FCHO1: variants seen among roughly 807,000 people sequenced by gnomAD.
The protein encoded by FCHO1 is FCH and mu domain containing endocytic adaptor 1.
A neutral mutation model predicts 114.4 loss-of-function variants in FCHO1; 45 were observed. The observed-to-expected ratio is 0.39, with a 90% CI of 0.31 to 0.50. FCHO1 has a LOEUF of 0.50. FCHO1 is among the 20% of genes least tolerant of loss of function. The pLI, the probability that FCHO1 is intolerant of heterozygous loss-of-function variation, is 0.77. For missense variants in FCHO1, 1,042 were observed against 1,209.6 expected (o/e 0.86, Z 2.06); for synonymous variants, 480 against 488.9 (o/e 0.98, Z 0.24).
chr19:17,774,341 C>A, intron 12 of FCHO1, 53 bp from the exon 13 acceptor site: 1 of 1,612,730 alleles, frequency 6.2e-7, no homozygotes, highest in South Asian at 1.1e-5. Context: ...GGAGGCTGAT[C>A]TGAATGTGAA....
Position 17,787,733 on chromosome 19 carries a change from C to T in FCHO1, c.2534C>T (p.Pro845Leu). 1 of 1,586,816 alleles carries T rather than the reference C, an allele frequency of 6.3e-7. No individual in the cohort carries two copies. Among genetic ancestry groups the T allele is most frequent in the Non-Finnish European group, 8.6e-7 (1 of 1,167,994 alleles). ...SWEPLSGPST[P>L]SPVAAQFTSE... The stretch of plus-strand genomic sequence containing the variant: ...GAGCCGCTCTCAGGGCCCAGCACAC[C>T]CAGCCCCGTGGCTGCACAGTTCACC... Residue 845 changes from proline (P) to leucine (L), a missense_variant, in exon 28 of 29, where the codon CCC becomes CTC. Transcript: ENST00000596536.
chr19:17,784,176 C>A lies in FCHO1; in HGVS notation c.2167C>A (p.Arg723Ser), dbSNP rs763392437. 6.2e-7 allele frequency: 1 copy of A among 1,613,964 alleles called. No homozygotes were observed. Among genetic ancestry groups the A allele is most frequent in the Non-Finnish European group, 8.5e-7 (1 of 1,179,994 alleles). Residue 723 changes from arginine (R) to serine (S), a missense_variant, in exon 25 of 29, where the codon CGC becomes AGC. By Grantham distance (110) the Arg-to-Ser change is moderately radical (BLOSUM62 -1). Transcript: ENST00000596536. The surrounding 1 kb of genome is among the most constrained non-coding windows in gnomAD (Gnocchi z 5.3). ...GGCAGCTCTGACCGAAGCCCTGCAGCGCCAGGCAGAGCAGAACCCCACTGC... is the reference window on the plus strand; with the variant it reads ...GGCAGCTCTGACCGAAGCCCTGCAGAGCCAGGCAGAGCAGAACCCCACTGC... ...NMAALTEALQ[R>S]QAEQNPTASY...
intron 6 of FCHO1, among the ~76,000 whole-genome samples, chr19:17,765,960 C>G (rs2088894119): frequency 7.1e-6 from 1 of 140,312 alleles, no homozygotes; most frequent in African/African-American, 2.7e-5. Flanking sequence ...GCGATCTTGG[C>G]TCACTGCAAG....
intron 28 of FCHO1, 86 bp downstream of exon 28, chr19:17,787,932 TG>T: frequency 6.9e-7 from 1 of 1,447,624 alleles, no homozygotes; most frequent in Middle Eastern, 2.4e-4. Flanking sequence ...GATTGGGGTG[TG>T]GGGATCCTTG....
chr19:17,778,953 G>T, intron 20 of FCHO1, 69 bp downstream of exon 20: 8 of 1,432,252 alleles, frequency 5.6e-6, no homozygotes, highest in Non-Finnish European at 7.3e-6. Flanking sequence ...CCTGCTTTGG[G>T]CAGGGCCTGA....
chr19:17,757,170 T>C (rs149730236), intron 4 of FCHO1, among the ~76,000 whole-genome samples: 1,995 of 123,730 alleles, frequency 0.016, 18 homozygotes, highest in Non-Finnish European at 0.024. Context: ...GGTGATGGAG[T>C]GAGACTCCGT....
chr19:17,755,250 A>G, intron 4 of FCHO1, 59 bp downstream of exon 4: 1 of 1,456,558 alleles, frequency 6.9e-7, no homozygotes, highest in Non-Finnish European at 9.4e-7. Context: ...ACTTTTATGG[A>G]GATGGGAGGA....
rs754595765 is a variant in FCHO1, at chr19:17,781,524, T to G, written c.1813T>G (p.Ser605Ala). 1 of 1,613,960 alleles carries G rather than the reference T, an allele frequency of 6.2e-7. No individual in the cohort carries two copies. The change falls in exon 22 of 29, where the codon TCC becomes GCC. Residue 605 changes from serine to alanine, a missense_variant. By Grantham distance (99) the Ser-to-Ala change is moderately conservative. Around this residue, in one of 3 missense-constraint regions of FCHO1, gnomAD observed 455 missense variants for 455.4 expected, o/e 1.00. Transcript: ENST00000596536. Reference protein sequence around the residue: ...STALERPSFLSQTGHGVSRGP... With the variant: ...STALERPSFLAQTGHGVSRGP... ...TGCCTTGGAACGGCCCAGCTTCTTA[T>G]CCCAGACAGGACACGGTATGTGAGG... is the stretch of plus-strand genomic sequence containing the variant.
rs767805593 is a variant in FCHO1, at chr19:17,778,232, A to G, written c.1351+4A>G. 6.2e-7 allele frequency: 1 copy of G among 1,611,768 alleles called. No homozygotes were observed. The highest frequency in any genetic ancestry group is 8.5e-7 in the Non-Finnish European group (1 of 1,178,120). On this transcript the variant is annotated splice_donor_region_variant and intron_variant, in intron 19 of 28. Transcript: ENST00000596536. ...TTTGACCACGAAGATTTTACAGGTG[A>G]TGGGGATAAGGGATTGGAGGGCATG... is the stretch of plus-strand genomic sequence containing the variant.
chr19:17,750,143 C>T (rs1014341517), upstream of FCHO1, among the ~76,000 whole-genome samples: 9 of 152,128 alleles, frequency 5.9e-5, no homozygotes, highest in African/African-American at 1.7e-4. Context: ...GACTTGGTGC[C>T]GGGAAGGCAG....
chr19:17,778,748 C>G lies in FCHO1; in HGVS notation c.1491C>G (p.Gly497=), dbSNP rs2092981637. The G allele has an allele frequency of 6.5e-7, 1 of 1,539,618 alleles. No individual in the cohort carries two copies. ...CAGATTCCTGGGTCCCCCGCCCAGG[C>G]ACCCCGCAGAGCCCGCCCAGCTGTA... ...PSPDSWVPRP[G]TPQSPPSCRA... Residue 497 remains glycine (G), a synonymous_variant, in exon 20 of 29, where the codon GGC becomes GGG. Transcript: ENST00000596536.
intron 24 of FCHO1, 59 bp downstream of exon 24, chr19:17,783,231 A>C (rs1599776862): frequency 4.0e-6 from 6 of 1,508,200 alleles, no homozygotes; most frequent in South Asian, 2.5e-5. Context: ...AGGCTTCCGG[A>C]CTCTGAGTTC....
intron 27 of FCHO1, 81 bp downstream of exon 27, chr19:17,786,710 T>C: frequency 6.7e-7 from 1 of 1,487,028 alleles, no homozygotes; most frequent in Non-Finnish European, 9.2e-7. Flanking sequence ...GGGGAAGAAT[T>C]GGGGACATAC....
chr19:17,769,315 GC>G (rs1177377719), intron 7 of FCHO1, among the ~76,000 whole-genome samples: 1 of 140,448 alleles, frequency 7.1e-6, no homozygotes, highest in Non-Finnish European at 1.5e-5. Context: ...GGTGGCTCAA[GC>G]CTGTAATCCC....
Position 17,759,226 on chromosome 19 carries a change from C to CTTTTTTTTT in FCHO1, c.28-3530_28-3522dup, listed in dbSNP as rs1473282318. 2.8e-5 allele frequency among the ~76,000 whole-genome samples: 3 copies of CTTTTTTTTT among 105,920 alleles called. 1 individual carries two copies. The highest frequency in any genetic ancestry group is 7.2e-5 in the African/African-American group (2 of 27,780). 69.5% of individuals were successfully genotyped at this position (105,920 alleles called of 152,430 possible). On this transcript the variant is annotated intron_variant, in intron 4 of 28. Coordinates refer to ENST00000596536, the MANE Select transcript of FCHO1 (RefSeq NM_015122.3). ...GTTCCCTCAGACCCCAGCTGATTAC[C>CTTTTTTTTT]TTTTTTTTTTTTTTGAGACAGAGTC...
chr19:17,764,974 G>A (rs1466788411), intron 6 of FCHO1, among the ~76,000 whole-genome samples: 2 of 150,944 alleles, frequency 1.3e-5, no homozygotes, highest in African/African-American at 4.9e-5. Flanking sequence ...TGAGTCAGGA[G>A]AATCGCTTGA....
chr19:17,757,851 G>A (rs2084300519), intron 4 of FCHO1, among the ~76,000 whole-genome samples: 1 of 149,482 alleles, frequency 6.7e-6, no homozygotes, highest in Non-Finnish European at 1.5e-5. Context: ...GGGAGGCAGA[G>A]GTTTCAGTGA....
At chr19:17,756,916 C>A (rs2083766784) in intron 4 of FCHO1, among the ~76,000 whole-genome samples, 1 of 152,110 alleles carries the variant, frequency 6.6e-6, no homozygotes, top group South Asian at 2.1e-4. Context: ...TGGCTGGGCG[C>A]AGTGGCTCAT....
chr19:17,785,026 G>A (rs2093748694), intron 26 of FCHO1, 102 bp downstream of exon 26: 6 of 1,179,796 alleles, frequency 5.1e-6, no homozygotes, highest in South Asian at 3.9e-5. Context: ...CGGCCTGACC[G>A]TTAACTGTGA....
Sources: gnomAD v4.1 joint callset for allele counts (sites outside exome capture counted in the v4.1 genomes callset) on GRCh38, gnomAD v4.1.1 for gene constraint, gnomAD v4.1.1 regional missense constraint, Gnocchi (gnomAD v3.1) non-coding constraint, MANE v1.5 for transcripts, NCBI Gene and HGNC (gene_info 2026-07-23, HGNC 2026-07-21) for gene names.